Variants in DOK6 observed in about 807,000 individuals in gnomAD.
DOK6 encodes the protein docking protein 6.
A neutral mutation model predicts 44.0 loss-of-function variants in DOK6; 22 were observed. That is an observed-to-expected ratio of 0.50 (90% CI 0.36 to 0.71). The LOEUF (loss-of-function observed/expected upper bound fraction) is 0.71. Ranked by LOEUF, DOK6 falls within the 30% of genes least tolerant of loss-of-function variation. The probability of loss-of-function intolerance (pLI) is 0.00; values close to 1 mark genes in which losing one functional copy is unlikely to be tolerated. For synonymous variants in DOK6, 166 were observed against 145.5 expected (o/e 1.14, Z -1.01); for missense variants, 340 against 416.4 (o/e 0.82, Z 1.60).
chr18:69,572,252 GACTT>G (rs1264829342), intron 2 of DOK6, among the ~76,000 whole-genome samples: 2 of 152,068 alleles, frequency 1.3e-5, no homozygotes, highest in Non-Finnish European at 2.9e-5. Context: ...AAACGGACAG[GACTT>G]ACTTATGAAT....
chr18:69,406,099 T>G (rs192968192), intron 1 of DOK6, among the ~76,000 whole-genome samples: 1 of 152,348 alleles, frequency 6.6e-6, no homozygotes, highest in East Asian at 1.9e-4. Flanking sequence ...TGGTGACAAT[T>G]ATGCATATTC....
At chr18:69,672,299 T>G (rs1211369489) in intron 3 of DOK6, among the ~76,000 whole-genome samples, 1 of 152,220 alleles carries the variant, frequency 6.6e-6, no homozygotes, top group Non-Finnish European at 1.5e-5. Flanking sequence ...TAACCAGAGA[T>G]CCATGCTTTT....
At chr18:69,616,640 T>G (rs1599223866) in intron 3 of DOK6, among the ~76,000 whole-genome samples, 1 of 152,306 alleles carries the variant, frequency 6.6e-6, no homozygotes, top group East Asian at 1.9e-4. Context: ...TGGAAAATGG[T>G]TGTTGAAGAG....
At chr18:69,731,518 T>C (rs1277800773) in intron 5 of DOK6, among the ~76,000 whole-genome samples, 1 of 152,180 alleles carries the variant, frequency 6.6e-6, no homozygotes, top group East Asian at 1.9e-4. Flanking sequence ...GCTATGATAC[T>C]TCGTCTTTTT....
chr18:69,623,688 G>C (rs1568314379), intron 3 of DOK6, among the ~76,000 whole-genome samples: 1 of 152,122 alleles, frequency 6.6e-6, no homozygotes, highest in Non-Finnish European at 1.5e-5. Flanking sequence ...GAATGCTACT[G>C]TGCTTCTCTT....
At chr18:69,559,239 G>A (rs1177692140) in intron 1 of DOK6, among the ~76,000 whole-genome samples, 1 of 152,062 alleles carries the variant, frequency 6.6e-6, no homozygotes, top group East Asian at 1.9e-4. Flanking sequence ...AATAACTACA[G>A]TAACATCAGA....
intron 6 of DOK6, 199 bp downstream of exon 6, chr18:69,739,302 G>A: frequency 1.6e-6 from 1 of 613,264 alleles, no homozygotes. Flanking sequence ...GCCACCAACT[G>A]TGAGCCCTGC....
At chr18:69,716,560 GC>G (rs1209432662) in intron 5 of DOK6, among the ~76,000 whole-genome samples, 2 of 151,972 alleles carry the variant, frequency 1.3e-5, no homozygotes, top group Non-Finnish European at 2.9e-5. Flanking sequence ...TGTACACACT[GC>G]TTTTCCTGTG....
chr18:69,747,572 G>A (rs951838540), intron 6 of DOK6, among the ~76,000 whole-genome samples: 6 of 151,926 alleles, frequency 3.9e-5, no homozygotes, highest in Non-Finnish European at 7.4e-5. Context: ...AATATATTAG[G>A]GAGGAAGCTC....
chr18:69,560,949 G>A (rs140071487), intron 1 of DOK6, among the ~76,000 whole-genome samples: 4 of 152,150 alleles, frequency 2.6e-5, no homozygotes, highest in African/African-American at 9.6e-5. Context: ...ATTATATGGT[G>A]CTCTAATTTT....
intron 1 of DOK6, among the ~76,000 whole-genome samples, chr18:69,455,647 G>A (rs1041750656): frequency 1.3e-5 from 2 of 152,122 alleles, no homozygotes; most frequent in Non-Finnish European, 1.5e-5. Context: ...TTTACATAGG[G>A]ATGGGAAGTA....
At chr18:69,431,468 G>T (rs1978804765) in intron 1 of DOK6, among the ~76,000 whole-genome samples, 1 of 152,146 alleles carries the variant, frequency 6.6e-6, no homozygotes, top group South Asian at 2.1e-4. Flanking sequence ...CAGCAAACAA[G>T]ATTTCTCAGT....
intron 7 of DOK6, among the ~76,000 whole-genome samples, chr18:69,787,130 C>T (rs900754888): frequency 2.0e-5 from 3 of 152,062 alleles, no homozygotes; most frequent in Non-Finnish European, 4.4e-5. Context: ...GCAGGAGAAT[C>T]GCTTGAACCT....
chr18:69,424,273 A>C lies in DOK6; in HGVS notation c.66+22963A>C, dbSNP rs113627781. 3.9e-5 allele frequency among the ~76,000 whole-genome samples: 6 copies of C among 152,294 alleles called. 1 individual carries two copies. The South Asian group carries it at 1.2e-3, about 32-fold the overall frequency. Reference sequence around the variant, plus strand: ...CAAATGCAGCCAAGTAAATTCCAGAACCTTTTGCTCTACCTTCTCAGCAAC... The same window carrying C: ...CAAATGCAGCCAAGTAAATTCCAGACCCTTTTGCTCTACCTTCTCAGCAAC... On this transcript the variant is annotated intron_variant, in intron 1 of 7. Coordinates refer to ENST00000382713, the MANE Select transcript of DOK6 (RefSeq NM_152721.6).
At chr18:69,691,146 G>T (rs751721024) in intron 4 of DOK6, among the ~76,000 whole-genome samples, 2 of 151,402 alleles carry the variant, frequency 1.3e-5, no homozygotes, top group Non-Finnish European at 2.9e-5. Context: ...TCGTACCATT[G>T]CACTCCAGCC....
intron 7 of DOK6, among the ~76,000 whole-genome samples, chr18:69,830,140 T>C (rs8088047): frequency 0.018 from 2,673 of 152,228 alleles, 72 homozygotes; most frequent in African/African-American, 0.06. Context: ...CACTAAATTA[T>C]GTACATTAAT....
chr18:69,753,326 CTCA>C (rs1006389359), intron 6 of DOK6, among the ~76,000 whole-genome samples: 5 of 152,128 alleles, frequency 3.3e-5, no homozygotes, highest in African/African-American at 7.2e-5. Context: ...AGGGTCTATT[CTCA>C]TCAACTTGAG....
At chr18:69,800,114 G>A (rs918025826) in intron 7 of DOK6, among the ~76,000 whole-genome samples, 9 of 151,256 alleles carry the variant, frequency 6.0e-5, no homozygotes, top group African/African-American at 1.9e-4. Context: ...CACAAAAATG[G>A]AGCCATTCAG....
intron 5 of DOK6, among the ~76,000 whole-genome samples, chr18:69,701,895 C>T (rs192013812): frequency 6.6e-5 from 10 of 152,206 alleles, no homozygotes; most frequent in African/African-American, 2.4e-4. Context: ...CCTAAACCTT[C>T]GTTGGTCAGG....
Sources: allele counts gnomAD v4.1 joint callset (sites outside exome capture counted in the v4.1 genomes callset), GRCh38; gene constraint gnomAD v4.1.1; transcripts MANE v1.5; gene names NCBI Gene and HGNC (gene_info 2026-07-23, HGNC 2026-07-21).